Variants in ZNF573 observed in about 807,000 individuals in gnomAD.
ZNF573 encodes the protein zinc finger protein 573.
ZNF573 carries 41 observed loss-of-function variants against 57.4 expected under a neutral mutation model. That is an observed-to-expected ratio of 0.71 (90% confidence interval 0.56 to 0.93). The LOEUF is 0.93. ZNF573 is among the 40% of genes least tolerant of loss of function. The probability of loss-of-function intolerance (pLI) is 0.00; values close to 1 mark genes in which losing one functional copy is unlikely to be tolerated. For synonymous variants in ZNF573, 249 were observed against 261.0 expected, an observed-to-expected ratio of 0.95 and a Z score of 0.44; for missense variants, 730 against 794.8, an observed-to-expected ratio of 0.92 and a Z score of 0.98.
intron 4 of ZNF573, 110 bp from the exon 5 acceptor site, chr19:37,740,304 A>G: frequency 9.8e-7 from 1 of 1,015,276 alleles, no homozygotes. Context: ...GGCATATAGA[A>G]TTCAAAAATA....
intron 4 of ZNF573, among the ~76,000 whole-genome samples, chr19:37,765,498 G>C (rs553413191): frequency 6.6e-6 from 1 of 151,992 alleles, no homozygotes; most frequent in Non-Finnish European, 1.5e-5. Context: ...ATCACGGGAG[G>C]TCGGGAGTTC....
At chr19:37,777,583 G>A (rs2045721100) in intron 1 of ZNF573, among the ~76,000 whole-genome samples, 1 of 152,104 alleles carries the variant, frequency 6.6e-6, no homozygotes, top group African/African-American at 2.4e-5. Context: ...TTTATGAGTG[G>A]AAGCTAAGCT....
chr19:37,743,093 T>C (rs1248565966), intron 4 of ZNF573, among the ~76,000 whole-genome samples: 1 of 151,436 alleles, frequency 6.6e-6, no homozygotes, highest in African/African-American at 2.4e-5. Context: ...CCAAGGCGGG[T>C]GGATCACGAG....
Position 37,771,584 on chromosome 19 carries a change from TA to T in ZNF573, c.181del (p.Tyr61IlefsTer29), listed in dbSNP as rs1399674576. On this transcript the variant is annotated frameshift_variant, in exon 3 of 5. Coordinates refer to ENST00000536220, the MANE Select transcript of ZNF573 (RefSeq NM_001172690.2). LOFTEE classifies it high-confidence loss of function. Reference protein sequence around the residue: ...DLYRDVMLENYRNLVSLGGHS... With the variant: ...DLYRDVMLENXRNLVSLGGHS... ...CTTACCCAGTGATACCAGGTTTCTA[TA>T]GTTCTCCAACATCACATCCCTGTAT... The T allele has an allele frequency of 6.2e-7, 1 of 1,610,036 alleles. No homozygotes were observed. Among genetic ancestry groups the T allele is most frequent in the Non-Finnish European group, 8.5e-7 (1 of 1,178,296 alleles).
At chr19:37,756,505 T>C (rs762936660) in intron 4 of ZNF573, among the ~76,000 whole-genome samples, 1 of 152,124 alleles carries the variant, frequency 6.6e-6, no homozygotes, top group African/African-American at 2.4e-5. Flanking sequence ...TGCTGTCTTA[T>C]GGGAAGAATG....
chr19:37,758,038 C>T (rs1009319386), intron 4 of ZNF573, among the ~76,000 whole-genome samples: 5 of 148,402 alleles, frequency 3.4e-5, no homozygotes, highest in African/African-American at 5.0e-5. Context: ...CACCACACAC[C>T]GGGGCCTGTT....
At chr19:37,763,710 T>C (rs1409684846) in intron 4 of ZNF573, among the ~76,000 whole-genome samples, 1 of 152,168 alleles carries the variant, frequency 6.6e-6, no homozygotes, top group Middle Eastern at 3.2e-3. Context: ...CTGTTTTCAG[T>C]AATCATTTAG....
intron 4 of ZNF573, among the ~76,000 whole-genome samples, chr19:37,744,697 C>T (rs190959699): frequency 6.8e-5 from 10 of 146,188 alleles, no homozygotes; most frequent in South Asian, 2.2e-4. Flanking sequence ...GCTGTGTTCA[C>T]GCCACTGCAC....
At chr19:37,776,744 G>A (rs1004348747) in intron 1 of ZNF573, among the ~76,000 whole-genome samples, 1 of 152,052 alleles carries the variant, frequency 6.6e-6, no homozygotes, top group African/African-American at 2.4e-5. Context: ...ATCCAACAGA[G>A]GACTGACATC....
At chr19:37,776,367 A>G (rs1007600175) in intron 1 of ZNF573, among the ~76,000 whole-genome samples, 3 of 152,212 alleles carry the variant, frequency 2.0e-5, no homozygotes, top group African/African-American at 7.2e-5. Context: ...AAAGTAAACA[A>G]AAACATAAAG....
In ZNF573 at chr19:37,763,579, AC is replaced by A. The variant is rs1259976858; in HGVS notation, c.295+6425del. On this transcript the variant is annotated intron_variant, in intron 4 of 4. Coordinates refer to ENST00000536220, the MANE Select transcript of ZNF573 (RefSeq NM_001172690.2). Reference sequence around the variant, plus strand: ...ACTGTCTCAAAAAAAACAAAACAAAACAAAAAAAACAGAGTAAATATCAGTC... The same window carrying A: ...ACTGTCTCAAAAAAAACAAAACAAAAAAAAAAAACAGAGTAAATATCAGTC... Among the ~76,000 whole-genome samples, 5 of 152,030 alleles carry A rather than the reference AC, an allele frequency of 3.3e-5. No homozygotes were observed. In the East Asian group the frequency reaches 5.8e-4, roughly 18 times the overall value.
intron 1 of ZNF573, among the ~76,000 whole-genome samples, chr19:37,777,309 C>T (rs955843683): frequency 2.6e-5 from 4 of 152,100 alleles, no homozygotes; most frequent in African/African-American, 9.7e-5. Flanking sequence ...CCACTGCACC[C>T]AGACAGAAGT....
intron 4 of ZNF573, among the ~76,000 whole-genome samples, chr19:37,759,986 T>G (rs2045535797): frequency 6.6e-6 from 1 of 152,176 alleles, no homozygotes. Flanking sequence ...CAATAAGAAA[T>G]GCAAACGATA....
chr19:37,749,807 C>T (rs2045416165), intron 4 of ZNF573, among the ~76,000 whole-genome samples: 1 of 152,170 alleles, frequency 6.6e-6, no homozygotes, highest in Admixed American at 6.6e-5. Context: ...ACTGCACAAA[C>T]ACAGTAAGAT....
intron 4 of ZNF573, among the ~76,000 whole-genome samples, chr19:37,757,279 C>A (rs1358942007): frequency 6.6e-6 from 1 of 152,134 alleles, no homozygotes; most frequent in Non-Finnish European, 1.5e-5. Context: ...TCACTGCGAC[C>A]TCCACCTCCT....
intron 4 of ZNF573, among the ~76,000 whole-genome samples, chr19:37,758,238 T>A (rs867313443): frequency 0.24 from 17,690 of 72,834 alleles, 4,728 homozygotes; most frequent in Non-Finnish European, 0.31. Context: ...TATATATATA[T>A]ATATATATAT....
At chr19:37,761,423 C>T (rs1568421315) in intron 4 of ZNF573, among the ~76,000 whole-genome samples, 1 of 152,014 alleles carries the variant, frequency 6.6e-6, no homozygotes, top group African/African-American at 2.4e-5. Flanking sequence ...CATTCTCCCC[C>T]TAGGCTAACC....
intron 4 of ZNF573, 65 bp from the exon 5 acceptor site, chr19:37,740,259 C>T: frequency 7.1e-7 from 1 of 1,406,228 alleles, no homozygotes. Flanking sequence ...AAACTTTATG[C>T]AACAAAGAAA....
intron 1 of ZNF573, among the ~76,000 whole-genome samples, chr19:37,774,126 CTT>C (rs539456711): frequency 6.8e-5 from 6 of 87,782 alleles, no homozygotes; most frequent in African/African-American, 3.0e-4. Context: ...CTAGAAGCTT[CTT>C]TTTTTTTTTT....
Sources: allele counts gnomAD v4.1 joint callset (sites outside exome capture counted in the v4.1 genomes callset), GRCh38; gene constraint gnomAD v4.1.1; transcripts MANE v1.5; gene names NCBI Gene and HGNC (gene_info 2026-07-23, HGNC 2026-07-21).